Variants in MPDZ observed in about 807,000 individuals in gnomAD.
The protein encoded by MPDZ is multiple PDZ domain protein.
A neutral mutation model predicts 239.1 loss-of-function variants in MPDZ; 234 were observed. The ratio of observed to expected loss-of-function variants is 0.98; its 90% CI spans 0.88 to 1.09. The LOEUF is 1.09. Ranked by LOEUF, MPDZ falls within the 50% of genes least tolerant of loss-of-function variation. The pLI is 0.00. For missense variants in MPDZ, 3,175 were observed against 2,510.0 expected, an observed-to-expected ratio of 1.26 and a Z score of -5.66; for synonymous variants, 1,048 against 881.3, an observed-to-expected ratio of 1.19 and a Z score of -3.35.
rs553726345 is a variant in MPDZ, at chr9:13,108,851, C to CA, written c.6066+84dup. 1,566 of 1,398,422 alleles carry CA rather than the reference C, an allele frequency of 1.1e-3. 26 individuals are homozygous for CA. In the South Asian group the frequency reaches 0.023, roughly 20 times the overall value. The allele number at this position is 1,398,422 out of a possible 1,614,324, so 86.6% of individuals were successfully genotyped here. A position where few individuals can be genotyped will look rare whatever the true frequency, so the allele number is the denominator to read the frequency against. ...AACTGTTAACCATTTGGCATTACCT[C>CA]AGGCCATAAACTAATAAGCCAGCTG... On this transcript the variant is annotated intron_variant, in intron 46 of 46. Transcript: ENST00000319217.
At chr9:13,244,235 T>C (rs1169660217) in intron 3 of MPDZ, among the ~76,000 whole-genome samples, 1 of 152,158 alleles carries the variant, frequency 6.6e-6, no homozygotes, top group African/African-American at 2.4e-5. Context: ...AGAATAAATA[T>C]GCAAATCCAA....
rs570279471 is a variant in MPDZ at position 13,206,699 on chromosome 9, A to C, written c.1291-600T>G. ...GCTGGGACTACAGGTGCGTGCCACC[A>C]TGCCCAGCTAATTTTTGTATTTTTA... On this transcript the variant is annotated intron_variant, in intron 10 of 46. Transcript: ENST00000319217. Among the ~76,000 whole-genome samples, 9 of 152,142 alleles carry C rather than the reference A, an allele frequency of 5.9e-5. No individual in the cohort carries two copies. In the South Asian group the frequency reaches 6.2e-4, roughly 11 times the overall value.
At chr9:13,167,990 A>C (rs751468123) in intron 22 of MPDZ, among the ~76,000 whole-genome samples, 3 of 152,072 alleles carry the variant, frequency 2.0e-5, no homozygotes, top group Non-Finnish European at 4.4e-5. Flanking sequence ...TCTAGGATTC[A>C]CACAGGTCAA....
At chr9:13,170,073 C>G (rs76999013) in intron 21 of MPDZ, among the ~76,000 whole-genome samples, 31 of 152,152 alleles carry the variant, frequency 2.0e-4, no homozygotes, top group Non-Finnish European at 4.1e-4. Flanking sequence ...TCACTTAAAA[C>G]GAAGTGCTGA....
In MPDZ at chr9:13,118,605, G is replaced by C. The variant is rs187341494; in HGVS notation, c.5379+897C>G. ...TCAATGTTGAATTATATTTCTTCAGGTCATAAAACACACTAGGTTAAAAAA... is the reference window on the plus strand; with the variant it reads ...TCAATGTTGAATTATATTTCTTCAGCTCATAAAACACACTAGGTTAAAAAA... On this transcript the variant is annotated intron_variant, in intron 39 of 46. Coordinates refer to ENST00000319217, the MANE Select transcript of MPDZ (RefSeq NM_001378778.1). Among the ~76,000 whole-genome samples the C allele has an allele frequency of 1.2e-3, 190 of 152,020 alleles. 1 individual carries two copies. The highest frequency in any genetic ancestry group is 4.4e-3 in the African/African-American group (181 of 41,458).
intron 35 of MPDZ, among the ~76,000 whole-genome samples, chr9:13,124,915 T>C (rs558021391): frequency 2.2e-4 from 33 of 152,268 alleles, no homozygotes; most frequent in African/African-American, 7.7e-4. Context: ...TAGCAATATA[T>C]TTTTGGAGAG....
At chr9:13,199,336 T>C (rs926580364) in intron 12 of MPDZ, among the ~76,000 whole-genome samples, 2 of 152,122 alleles carry the variant, frequency 1.3e-5, no homozygotes, top group Non-Finnish European at 2.9e-5. Context: ...ATGCTACTTA[T>C]TTTTTATGTT....
intron 12 of MPDZ, among the ~76,000 whole-genome samples, chr9:13,201,882 A>C (rs2135505547): frequency 6.6e-6 from 1 of 152,170 alleles, no homozygotes. Context: ...TTCTATCCAT[A>C]TTTTCCTGTG....
At chr9:13,193,142 G>A (rs369134981) in intron 14 of MPDZ, 25 bp downstream of exon 14, 1 of 1,461,084 alleles carries the variant, frequency 6.8e-7, no homozygotes, top group African/African-American at 1.4e-5. Context: ...ATTTAAGGAG[G>A]AGAAGGAACA....
rs537601959 is a variant in MPDZ, at chr9:13,279,584, C to T, written c.-242G>A. 1 of 149,646 alleles carries T rather than the reference C, an allele frequency of 6.7e-6. No individual in the cohort carries two copies. Among genetic ancestry groups the T allele is most frequent in the African/African-American group, 2.4e-5 (1 of 41,186 alleles). The allele number at this position is 149,646 out of a possible 1,614,324, so 9.3% of individuals were successfully genotyped here. ...CTCACGCGTGACTGAGAAACTTAAT[C>T]CCGCGGTGGCCCGACGCCAGCCTAG... is the stretch of plus-strand genomic sequence containing the variant. On this transcript the variant is annotated 5_prime_UTR_variant, in exon 1 of 47. Coordinates refer to ENST00000319217, the MANE Select transcript of MPDZ (RefSeq NM_001378778.1).
At position 13,150,676 on chromosome 9, in the gene MPDZ, C is replaced by A; in HGVS notation, c.3465G>T (p.Trp1155Cys). 5 of 1,377,604 alleles carry A rather than the reference C, an allele frequency of 3.6e-6. No homozygotes were observed. The highest frequency in any genetic ancestry group is 2.8e-6 in the Non-Finnish European group (3 of 1,055,312). 85.3% of individuals were successfully genotyped at this position (1,377,604 alleles called of 1,614,324 possible). A position where few individuals can be genotyped will look rare whatever the true frequency, so the allele number is the denominator to read the frequency against. Reference sequence around the variant, plus strand: ...TGCCTAAGGATTTGCTTGGTTCTCTCCAGAGTTCCACCCTAAAAAATAAAT... The same window carrying A: ...TGCCTAAGGATTTGCTTGGTTCTCTACAGAGTTCCACCCTAAAAAATAAAT... ...NWNQPRRVEL[W>C]REPSKSLGIS... Residue 1155 changes from tryptophan (W) to cysteine (C), a missense_variant, in exon 25 of 47, where the codon TGG becomes TGT. Coordinates refer to ENST00000319217, the MANE Select transcript of MPDZ (RefSeq NM_001378778.1).
At chr9:13,220,930 T>C (rs1959027376) in intron 7 of MPDZ, among the ~76,000 whole-genome samples, 1 of 152,014 alleles carries the variant, frequency 6.6e-6, no homozygotes, top group South Asian at 2.1e-4. Context: ...CTGTGTTTCA[T>C]ACACAAAGAT....
intron 32 of MPDZ, among the ~76,000 whole-genome samples, chr9:13,132,076 G>C (rs1316612182): frequency 6.6e-6 from 1 of 152,134 alleles, no homozygotes; most frequent in African/African-American, 2.4e-5. Context: ...ACATATAAAT[G>C]GAAGCTTTCA....
rs992520204 is a variant in MPDZ, at chr9:13,151,883, T to TAC, written c.3453-1197_3453-1196dup. ...TACTTTGCTCAATTTATTAAGGTTTTACTAGTAGTAAAACAAAGATAGTTT... is the reference window on the plus strand; with the variant it reads ...TACTTTGCTCAATTTATTAAGGTTTTACACTAGTAGTAAAACAAAGATAGTTT... On this transcript the variant is annotated intron_variant, in intron 24 of 46. Transcript: ENST00000319217. Among the ~76,000 whole-genome samples, 17 of 124,370 alleles carry TAC rather than the reference T, an allele frequency of 1.4e-4. 1 individual carries two copies. Among genetic ancestry groups the TAC allele is most frequent in the Non-Finnish European group, 1.6e-5 (1 of 63,416 alleles). The allele number at this position is 124,370 out of a possible 152,430, so 81.6% of individuals were successfully genotyped here.
chr9:13,210,863 G>C (rs1957540837), intron 10 of MPDZ, among the ~76,000 whole-genome samples: 1 of 152,114 alleles, frequency 6.6e-6, no homozygotes, highest in Non-Finnish European at 1.5e-5. Flanking sequence ...AAGAGCCCAA[G>C]AAGAAACCCT....
rs777601165 is a variant in MPDZ, at chr9:13,193,258, G to A, written c.1712C>T (p.Ala571Val). 13 of 1,611,642 alleles carry A rather than the reference G, an allele frequency of 8.1e-6. No homozygotes were observed. Among genetic ancestry groups the A allele is most frequent in the East Asian group, 6.7e-5 (3 of 44,798 alleles). Residue 571 changes from alanine to valine, a missense_variant, in exon 14 of 47, where the codon GCG becomes GTG. By Grantham distance (64) the Ala-to-Val change is moderately conservative. Transcript: ENST00000319217. ...ENSGLGISLE[A>V]TVGHHFIRSV... is the part of the protein sequence containing the mutation. Reference sequence around the variant, plus strand: ...TCGGATAAAATGATGTCCCACTGTCGCTTCCAGGCTTATCCCCAATCCACT... The same window carrying A: ...TCGGATAAAATGATGTCCCACTGTCACTTCCAGGCTTATCCCCAATCCACT...
chr9:13,118,586 T>C (rs1586926131), intron 39 of MPDZ, among the ~76,000 whole-genome samples: 1 of 152,218 alleles, frequency 6.6e-6, no homozygotes, highest in East Asian at 1.9e-4. Context: ...CTAGTCAATG[T>C]TGAATTATAT....
intron 30 of MPDZ, 139 bp from the exon 31 acceptor site, chr9:13,136,321 T>TTTTA: frequency 9.4e-6 from 4 of 424,346 alleles, no homozygotes; most frequent in Admixed American, 4.9e-5. Context: ...TTTACAAACG[T>TTTTA]TTTCTTTTTT....
chr9:13,169,382 CCT>C (rs1397748736), intron 21 of MPDZ, among the ~76,000 whole-genome samples: 1 of 152,030 alleles, frequency 6.6e-6, no homozygotes, highest in Non-Finnish European at 1.5e-5. Flanking sequence ...ACCACACTAC[CCT>C]CCATTATTCA....
Sources: gnomAD v4.1 joint callset for allele counts (sites outside exome capture counted in the v4.1 genomes callset) on GRCh38, gnomAD v4.1.1 for gene constraint, MANE v1.5 for transcripts, NCBI Gene and HGNC (gene_info 2026-07-23, HGNC 2026-07-21) for gene names.